The following SIDT1 variants were observed in gnomAD, a reference collection of about 807,000 sequenced individuals.
SIDT1 encodes SID1 transmembrane family, member 1.
In SIDT1, 101 loss-of-function variants were observed where a neutral mutation model predicts 107.5. The observed-to-expected ratio is 0.94, with a 90% CI of 0.80 to 1.11. The LOEUF is 1.11. Ranked by LOEUF, SIDT1 falls within the 50% of genes least tolerant of loss-of-function variation. The pLI is 0.00. For synonymous variants in SIDT1, 395 were observed against 398.2 expected (o/e 0.99, Z 0.10); for missense variants, 1,076 against 1,058.2 (o/e 1.02, Z -0.23).
At chr3:113,602,957 G>A (rs1945062883) in intron 11 of SIDT1, 48 bp from the exon 12 acceptor site, 1 of 1,601,416 alleles carries the variant, frequency 6.2e-7, no homozygotes, top group Non-Finnish European at 8.5e-7. Context: ...AATGGGCTCC[G>A]TAGGCTCTCC....
chr3:113,621,463 C>A (rs998736705), intron 21 of SIDT1, among the ~76,000 whole-genome samples: 5 of 151,000 alleles, frequency 3.3e-5, no homozygotes, highest in African/African-American at 9.7e-5. Flanking sequence ...AAAAAAAGAA[C>A]GAAGTCAGTT....
At chr3:113,593,086 GCATAGTGTGGCAA>G (rs1233148346) in intron 10 of SIDT1, 38 bp downstream of exon 10, 13 of 1,525,446 alleles carry the variant, frequency 8.5e-6, no homozygotes, top group African/African-American at 1.4e-5. Context: ...AAATGGTGTC[GCATAGTGTGGCAA>G]CATCCCATTT....
At chr3:113,540,414 A>G (rs562165072) in intron 1 of SIDT1, among the ~76,000 whole-genome samples, 2 of 152,308 alleles carry the variant, frequency 1.3e-5, no homozygotes, top group East Asian at 1.9e-4. Context: ...ACCATTTTAG[A>G]AAACAATACT....
At chr3:113,618,885 C>CAAAAGGG (rs772875596) in intron 20 of SIDT1, among the ~76,000 whole-genome samples, 2 of 152,160 alleles carry the variant, frequency 1.3e-5, no homozygotes, top group Non-Finnish European at 2.9e-5. Context: ...AGTGCAGTGG[C>CAAAAGGG]AAAATCTCGG....
At chr3:113,566,338 TTGTGTGTGTG>T (rs55802002) in intron 1 of SIDT1, 72 bp from the exon 2 acceptor site, 94 of 1,098,796 alleles carry the variant, frequency 8.6e-5, no homozygotes, top group Non-Finnish European at 1.2e-4. Flanking sequence ...TTGTGTGTGT[TTGTGTGTGTG>T]TGTGTGTGTG....
At chr3:113,560,404 G>A (rs191568613) in intron 1 of SIDT1, among the ~76,000 whole-genome samples, 4 of 152,278 alleles carry the variant, frequency 2.6e-5, no homozygotes, top group Admixed American at 2.0e-4. Flanking sequence ...GAGCCTCCTC[G>A]AGGGCACAGT....
At chr3:113,535,126 G>A (rs1937966743) in intron 1 of SIDT1, among the ~76,000 whole-genome samples, 1 of 152,160 alleles carries the variant, frequency 6.6e-6, no homozygotes, top group Non-Finnish European at 1.5e-5. Context: ...TAAAAAATTA[G>A]CTGGGTGTGA....
intron 1 of SIDT1, among the ~76,000 whole-genome samples, chr3:113,563,655 G>A (rs1941640557): frequency 6.6e-6 from 1 of 152,170 alleles, no homozygotes; most frequent in African/African-American, 2.4e-5. Context: ...TCCCAAAAAG[G>A]AGAGAGAAGT....
chr3:113,542,562 GCTT>G (rs1939035594), intron 1 of SIDT1, among the ~76,000 whole-genome samples: 1 of 151,872 alleles, frequency 6.6e-6, no homozygotes, highest in South Asian at 2.1e-4. Context: ...AATGTTTTCT[GCTT>G]CTTACTTTTT....
intron 1 of SIDT1, among the ~76,000 whole-genome samples, chr3:113,564,555 C>T (rs997901280): frequency 1.3e-5 from 2 of 151,780 alleles, no homozygotes; most frequent in African/African-American, 2.4e-5. Flanking sequence ...TCACTGGGGG[C>T]GGAGGGGAGG....
intron 2 of SIDT1, 62 bp downstream of exon 2, chr3:113,566,603 T>G: frequency 1.3e-6 from 2 of 1,553,762 alleles, no homozygotes; most frequent in Non-Finnish European, 8.8e-7. Flanking sequence ...TCCTAGAACT[T>G]AATTGGTCTT....
chr3:113,619,918 T>G, intron 21 of SIDT1, 192 bp downstream of exon 21: 1 of 555,486 alleles, frequency 1.8e-6, no homozygotes, highest in Non-Finnish European at 3.3e-6. Flanking sequence ...AAAACACTGA[T>G]GCATTGAGTT....
In SIDT1 at chr3:113,538,543, G is replaced by A. The variant is rs116370498; in HGVS notation, c.222+5300G>A. 9.0e-3 allele frequency among the ~76,000 whole-genome samples: 1,365 copies of A among 152,330 alleles called. 21 individuals are homozygous for A. The highest frequency in any genetic ancestry group is 0.031 in the African/African-American group (1,301 of 41,576). ...GAAAATGTGTCGTTAGTATTTGTAT[G>A]TTGTGTTTAAGTGATAATACTTTTG... is the stretch of plus-strand genomic sequence containing the variant. On this transcript the variant is annotated intron_variant, in intron 1 of 24. Coordinates refer to ENST00000264852, the MANE Select transcript of SIDT1 (RefSeq NM_017699.3).
intron 11 of SIDT1, chr3:113,602,469 C>T (rs1342893770): frequency 1.3e-5 from 2 of 152,244 alleles, no homozygotes; most frequent in Admixed American, 1.3e-4. Flanking sequence ...CATAAATCTC[C>T]ATCTGCTCTG....
intron 17 of SIDT1, among the ~76,000 whole-genome samples, chr3:113,609,460 C>T (rs1482110533): frequency 2.6e-5 from 4 of 152,290 alleles, no homozygotes; most frequent in Admixed American, 6.5e-5. Flanking sequence ...TATCTTTAGA[C>T]CAATCAGCCC....
chr3:113,627,503 C>T (rs1356522556), intron 24 of SIDT1, 143 bp from the exon 25 acceptor site: 17 of 664,378 alleles, frequency 2.6e-5, no homozygotes, highest in Admixed American at 1.4e-4. Flanking sequence ...CTATTAAGAG[C>T]AAAGGATTGC....
chr3:113,608,805 C>G (rs556141164), intron 17 of SIDT1, among the ~76,000 whole-genome samples: 1 of 152,256 alleles, frequency 6.6e-6, no homozygotes, highest in African/African-American at 2.4e-5. Flanking sequence ...TCTGGTGACT[C>G]TGCCTTCATT....
At chr3:113,541,150 AC>A (rs1246224363) in intron 1 of SIDT1, among the ~76,000 whole-genome samples, 20 of 151,660 alleles carry the variant, frequency 1.3e-4, no homozygotes, top group African/African-American at 4.9e-4. Context: ...ACATACACAC[AC>A]ACACACACAC....
chr3:113,620,055 A>ATG lies in SIDT1; in HGVS notation c.2090+329_2090+330insTG, dbSNP rs1946358042. ...TAGATAGATAGATAGATGATAGATA[A>ATG]ATAGATAGATAGATAGATAGATAGA... On this transcript the variant is annotated intron_variant, in intron 21 of 24. Coordinates refer to ENST00000264852, the MANE Select transcript of SIDT1 (RefSeq NM_017699.3). 1.6e-5 allele frequency: 3 copies of ATG among 191,194 alleles called. No homozygotes were observed. In the Admixed American group the frequency reaches 1.7e-4, roughly 11 times the overall value. The allele number at this position is 191,194 out of a possible 1,614,324, so 11.8% of individuals were successfully genotyped here.
Sources: gnomAD v4.1 joint callset for allele counts (sites outside exome capture counted in the v4.1 genomes callset) on GRCh38, gnomAD v4.1.1 for gene constraint, MANE v1.5 for transcripts, NCBI Gene and HGNC (gene_info 2026-07-23, HGNC 2026-07-21) for gene names.